Variants in TLE4 observed in about 807,000 individuals in gnomAD.
The protein encoded by TLE4 is TLE family member 4, transcriptional corepressor.
A neutral mutation model predicts 92.8 loss-of-function variants in TLE4; 8 were observed. The observed-to-expected ratio is 0.09, with a 90% CI of 0.05 to 0.16. The LOEUF is 0.16. TLE4 is among the 10% of genes least tolerant of loss of function. The pLI is 1.00. For missense variants in TLE4, 675 were observed against 997.6 expected (o/e 0.68, Z 4.36); for synonymous variants, 371 against 374.1 (o/e 0.99, Z 0.10).
chr9:79,581,821 G>C (rs147812056), intron 4 of TLE4, among the ~76,000 whole-genome samples: 1 of 152,082 alleles, frequency 6.6e-6, no homozygotes, highest in Admixed American at 6.6e-5. Flanking sequence ...AGGCTCATAC[G>C]CAGAACCTCT....
At chr9:79,617,910 T>A (rs2050040798) in intron 5 of TLE4, among the ~76,000 whole-genome samples, 1 of 152,164 alleles carries the variant, frequency 6.6e-6, no homozygotes, top group Non-Finnish European at 1.5e-5. Flanking sequence ...GCTAATTTGG[T>A]GACTCCATGA....
At chr9:79,696,405 G>C (rs2068264753) in intron 8 of TLE4, among the ~76,000 whole-genome samples, 1 of 152,102 alleles carries the variant, frequency 6.6e-6, no homozygotes, top group South Asian at 2.1e-4. Context: ...ATTGAAAACT[G>C]TTTAGCCCTT....
At chr9:79,642,752 T>TTAAA (rs1477126320) in intron 6 of TLE4, among the ~76,000 whole-genome samples, 2 of 152,138 alleles carry the variant, frequency 1.3e-5, no homozygotes, top group Non-Finnish European at 2.9e-5. Flanking sequence ...ACTTCATGAG[T>TTAAA]TAAACTACAA....
Position 79,573,225 on chromosome 9 carries a change from G to GCGCCGGCCCCTCGCGC in TLE4, c.45+394_45+409dup, listed in dbSNP as rs895342936. 3.0e-6 allele frequency: 3 copies of GCGCCGGCCCCTCGCGC among 1,012,090 alleles called. No individual in the cohort carries two copies. In the African/African-American group the frequency reaches 5.2e-5, roughly 17 times the overall value. The allele number at this position is 1,012,090 out of a possible 1,614,324, so 62.7% of individuals were successfully genotyped here. ...GCTGGCTGCGGTTTGGAAGTGCGGG[G>GCGCCGGCCCCTCGCGC]CGCCGGCCCCTCGCGCCGCGGGCCG... On this transcript the variant is annotated intron_variant, in intron 1 of 19. Coordinates refer to ENST00000376552, the MANE Select transcript of TLE4 (RefSeq NM_007005.6).
intron 6 of TLE4, among the ~76,000 whole-genome samples, chr9:79,651,041 C>CTG (rs1472453760): frequency 2.5e-5 from 1 of 40,132 alleles, no homozygotes; most frequent in Non-Finnish European, 8.8e-5. Context: ...ATCTCTCTCT[C>CTG]TCTCTCTCTC....
intron 1 of TLE4, chr9:79,573,421 C>G (rs934191794): frequency 2.4e-5 from 28 of 1,188,064 alleles, no homozygotes; most frequent in Non-Finnish European, 2.1e-6. Flanking sequence ...CTGTCTTTGG[C>G]CGGGGAGGGG....
intron 4 of TLE4, among the ~76,000 whole-genome samples, chr9:79,584,092 A>T (rs2040438614): frequency 6.6e-6 from 1 of 152,230 alleles, no homozygotes; most frequent in Non-Finnish European, 1.5e-5. Flanking sequence ...GCATAGTGAG[A>T]GTCACTGGCA....
chr9:79,657,511 G>A lies in TLE4; in HGVS notation c.609+3436G>A, dbSNP rs78814400. The stretch of plus-strand genomic sequence containing the variant: ...TGGGCTCTAAAATGGTGTCAGAGGG[G>A]ACATTCCCTTGTGCTGCCAGGAGCT... On this transcript the variant is annotated intron_variant, in intron 8 of 19. Transcript: ENST00000376552. Among the ~76,000 whole-genome samples the A allele has an allele frequency of 7.0e-3, 1,072 of 152,248 alleles. 13 individuals carry two copies. The highest frequency in any genetic ancestry group is 0.025 in the African/African-American group (1,032 of 41,544).
intron 5 of TLE4, among the ~76,000 whole-genome samples, chr9:79,624,742 C>T (rs2052039650): frequency 6.6e-6 from 1 of 152,200 alleles, no homozygotes; most frequent in African/African-American, 2.4e-5. Flanking sequence ...CAATTGGAAT[C>T]TAGTTCATGA....
chr9:79,717,340 T>C (rs2074707408), intron 14 of TLE4, among the ~76,000 whole-genome samples: 1 of 152,150 alleles, frequency 6.6e-6, no homozygotes, highest in Non-Finnish European at 1.5e-5. Flanking sequence ...TCAGCATCTC[T>C]CTCTCAGGTC....
intron 8 of TLE4, among the ~76,000 whole-genome samples, chr9:79,688,588 T>C (rs1367793114): frequency 6.6e-6 from 1 of 151,890 alleles, no homozygotes; most frequent in Non-Finnish European, 1.5e-5. Flanking sequence ...ATTTCTTTAT[T>C]ACTGTTTAGC....
At chr9:79,591,916 T>G (rs141761554) in intron 4 of TLE4, among the ~76,000 whole-genome samples, 53 of 152,248 alleles carry the variant, frequency 3.5e-4, no homozygotes, top group South Asian at 1.9e-3. Flanking sequence ...GTTTGTTGCT[T>G]CTTTTGCTTT....
intron 4 of TLE4, among the ~76,000 whole-genome samples, chr9:79,611,923 T>G (rs927091566): frequency 1.4e-5 from 2 of 148,058 alleles, no homozygotes; most frequent in Admixed American, 6.7e-5. Context: ...TTGGGACTTT[T>G]GCATATCCAC....
chr9:79,624,384 C>G (rs1387138750), intron 5 of TLE4, among the ~76,000 whole-genome samples: 2 of 152,056 alleles, frequency 1.3e-5, no homozygotes, highest in African/African-American at 2.4e-5. Flanking sequence ...TAGGGTGTTT[C>G]TGGTGCTTTC....
intron 17 of TLE4, among the ~76,000 whole-genome samples, chr9:79,722,225 G>A (rs2075767567): frequency 2.0e-5 from 3 of 152,136 alleles, no homozygotes; most frequent in Admixed American, 2.0e-4. Flanking sequence ...TGAAAGAAGA[G>A]GCAGTTCACT....
Position 79,725,223 on chromosome 9 carries a change from C to G in TLE4, c.*79C>G. 3 of 1,014,374 alleles carry G rather than the reference C, an allele frequency of 3.0e-6. No homozygotes were observed. The highest frequency in any genetic ancestry group is 4.5e-6 in the Non-Finnish European group (3 of 661,424). The allele number at this position is 1,014,374 out of a possible 1,614,324, so 62.8% of individuals were successfully genotyped here. ...CATCCTTTTTGTTCACCCCCATCCCCGCATCTAAAACCAAGGATTTCAGAT... is the reference window on the plus strand; with the variant it reads ...CATCCTTTTTGTTCACCCCCATCCCGGCATCTAAAACCAAGGATTTCAGAT... On this transcript the variant is annotated 3_prime_UTR_variant, in exon 20 of 20. Transcript: ENST00000376552.
At chr9:79,653,980 T>A (rs1376586545) in intron 7 of TLE4, 79 bp from the exon 8 acceptor site, 1 of 1,480,562 alleles carries the variant, frequency 6.8e-7, no homozygotes, top group African/African-American at 1.4e-5. Flanking sequence ...TCAGTATGAT[T>A]TTATGTAAAC....
At chr9:79,620,976 A>G (rs1351807873) in intron 5 of TLE4, among the ~76,000 whole-genome samples, 3 of 152,198 alleles carry the variant, frequency 2.0e-5, no homozygotes, top group African/African-American at 4.8e-5. Flanking sequence ...ACATCAGGCC[A>G]TGAAGGATTC....
intron 4 of TLE4, among the ~76,000 whole-genome samples, chr9:79,606,187 G>GTTTTTTTTTTTTGTTTTTT (rs2046841026): frequency 3.5e-5 from 1 of 28,674 alleles, no homozygotes; most frequent in Non-Finnish European, 6.4e-5. Flanking sequence ...AGTAGTAGTT[G>GTTTTTTTTTTTTGTTTTTT]TTTTTTTTTT....
Sources: allele counts gnomAD v4.1 joint callset (sites outside exome capture counted in the v4.1 genomes callset), GRCh38; gene constraint gnomAD v4.1.1; transcripts MANE v1.5; gene names NCBI Gene and HGNC (gene_info 2026-07-23, HGNC 2026-07-21).